Variants in CCBE1 observed in about 807,000 individuals in gnomAD.
The protein encoded by CCBE1 is collagen and calcium-binding EGF domain-containing protein 1.
Under a neutral mutation model 50.0 loss-of-function variants are expected in CCBE1, and 37 were observed. That is an observed-to-expected ratio of 0.74 (90% CI 0.57 to 0.97). CCBE1 has a LOEUF of 0.97. Ranked by LOEUF, CCBE1 falls within the 50% of genes least tolerant of loss-of-function variation. CCBE1 has a pLI of 0.00. For synonymous variants in CCBE1, 234 were observed against 203.7 expected, an observed-to-expected ratio of 1.15 and a Z score of -1.27; for missense variants, 538 against 523.8, an observed-to-expected ratio of 1.03 and a Z score of -0.26.
At chr18:59,607,010 C>T (rs144906123) in intron 2 of CCBE1, among the ~76,000 whole-genome samples, 1 of 148,802 alleles carries the variant, frequency 6.7e-6, no homozygotes, top group Non-Finnish European at 1.5e-5. Context: ...AGGGCCTGGC[C>T]TAGAGTACGA....
chr18:59,545,050 A>G (rs1365069886), intron 2 of CCBE1, among the ~76,000 whole-genome samples: 1 of 152,212 alleles, frequency 6.6e-6, no homozygotes, highest in African/African-American at 2.4e-5. Context: ...CCTTTTATTT[A>G]AATTACTAGT....
intron 2 of CCBE1, among the ~76,000 whole-genome samples, chr18:59,596,193 T>C (rs1359382981): frequency 6.6e-6 from 1 of 152,174 alleles, no homozygotes; most frequent in South Asian, 2.1e-4. Context: ...TTCAAAAGTG[T>C]AGCTCAAACC....
intron 2 of CCBE1, among the ~76,000 whole-genome samples, chr18:59,574,661 G>C (rs758547341): frequency 6.6e-6 from 1 of 152,216 alleles, no homozygotes; most frequent in Non-Finnish European, 1.5e-5. Context: ...TCATGAAGCA[G>C]ATTTGCAGGG....
intron 2 of CCBE1, among the ~76,000 whole-genome samples, chr18:59,614,125 C>T (rs766963434): frequency 5.9e-5 from 9 of 152,132 alleles, no homozygotes; most frequent in Non-Finnish European, 1.2e-4. Flanking sequence ...CCTGTCTCAG[C>T]CTCCTGAGTA....
At position 59,480,119 on chromosome 18, in the gene CCBE1, G is replaced by A. The variant is rs1663548; in HGVS notation, c.265+67C>T. 0.62 allele frequency: 624,501 copies of A among 1,004,794 alleles called. 196,796 individuals are homozygous for A. The highest frequency in any genetic ancestry group is 0.83 in the East Asian group (34,434 of 41,402). The allele number at this position is 1,004,794 out of a possible 1,614,324, so 62.2% of individuals were successfully genotyped here. On this transcript the variant is annotated intron_variant, in intron 3 of 10. Coordinates refer to ENST00000439986, the MANE Select transcript of CCBE1 (RefSeq NM_133459.4). ...TAAGACCTATATTCCATGAACATCTGAAGTTGATAGACTTTGAATGATTAG... is the reference window on the plus strand; with the variant it reads ...TAAGACCTATATTCCATGAACATCTAAAGTTGATAGACTTTGAATGATTAG...
At chr18:59,510,022 G>C (rs1028464589) in intron 2 of CCBE1, among the ~76,000 whole-genome samples, 1 of 152,190 alleles carries the variant, frequency 6.6e-6, no homozygotes, top group African/African-American at 2.4e-5. Flanking sequence ...CAAACACCAA[G>C]CTGCACTGGT....
At chr18:59,558,676 G>A (rs1043114467) in intron 2 of CCBE1, among the ~76,000 whole-genome samples, 2 of 152,188 alleles carry the variant, frequency 1.3e-5, no homozygotes, top group African/African-American at 2.4e-5. Flanking sequence ...CCCAGAGAAC[G>A]AGAGAGCCAA....
At chr18:59,680,374 G>A (rs766727827) in intron 2 of CCBE1, among the ~76,000 whole-genome samples, 2 of 151,950 alleles carry the variant, frequency 1.3e-5, no homozygotes, top group African/African-American at 2.4e-5. Flanking sequence ...GATTTGGGGG[G>A]CCCAAGATAT....
At chr18:59,563,077 C>T (rs551029163) in intron 2 of CCBE1, among the ~76,000 whole-genome samples, 16 of 152,274 alleles carry the variant, frequency 1.1e-4, no homozygotes, top group African/African-American at 3.4e-4. Flanking sequence ...ACTAGGACGA[C>T]AGAAGAGAGC....
chr18:59,647,240 A>G (rs1342084278), intron 2 of CCBE1, among the ~76,000 whole-genome samples: 1 of 152,242 alleles, frequency 6.6e-6, no homozygotes, highest in Non-Finnish European at 1.5e-5. Flanking sequence ...AGTGTTCAGC[A>G]ATGGAGTTTA....
intron 2 of CCBE1, among the ~76,000 whole-genome samples, chr18:59,574,034 C>T (rs2052954683): frequency 6.6e-6 from 1 of 152,116 alleles, no homozygotes; most frequent in South Asian, 2.1e-4. Context: ...TCAAACAGGA[C>T]ATGTTCTATC....
At chr18:59,539,574 C>T (rs896184656) in intron 2 of CCBE1, among the ~76,000 whole-genome samples, 3 of 152,158 alleles carry the variant, frequency 2.0e-5, no homozygotes, top group Non-Finnish European at 4.4e-5. Context: ...TTTTAAGCTG[C>T]TAAGTTTTGG....
chr18:59,436,006 G>A lies in CCBE1; in HGVS notation c.1123C>T (p.Pro375Ser). 4.3e-6 allele frequency: 7 copies of A among 1,614,180 alleles called. No homozygotes were observed. In the East Asian group the frequency reaches 6.7e-5, roughly 15 times the overall value. ...AGGTCCATGGCTTCTGGGTAGCTGG[G>A]AAATTCCTGAGGTAAAGGGAACTCC... ...AEEFPLPQEF[P>S]SYPEAMDLGS... Residue 375 changes from proline to serine, a missense_variant, in exon 11 of 11, where the codon CCC (proline) becomes TCC (serine). Coordinates refer to ENST00000439986, the MANE Select transcript of CCBE1 (RefSeq NM_133459.4).
intron 7 of CCBE1, among the ~76,000 whole-genome samples, chr18:59,443,586 C>G (rs1478392483): frequency 3.3e-5 from 5 of 151,794 alleles, no homozygotes; most frequent in Non-Finnish European, 7.4e-5. Context: ...CCCGCCTCAA[C>G]CTCCCAAGTA....
chr18:59,451,509 C>G (rs772879431), intron 6 of CCBE1, among the ~76,000 whole-genome samples: 4 of 151,088 alleles, frequency 2.6e-5, no homozygotes, highest in Non-Finnish European at 5.9e-5. Flanking sequence ...AGAGACCCAT[C>G]TAAAAGTTAA....
intron 2 of CCBE1, among the ~76,000 whole-genome samples, chr18:59,672,462 T>C (rs2054445027): frequency 6.6e-6 from 1 of 152,230 alleles, no homozygotes; most frequent in Non-Finnish European, 1.5e-5. Context: ...GCACTTGGAA[T>C]GCTTATACAC....
chr18:59,542,700 A>G (rs1175936739), intron 2 of CCBE1, among the ~76,000 whole-genome samples: 2 of 152,208 alleles, frequency 1.3e-5, no homozygotes, highest in Non-Finnish European at 2.9e-5. Context: ...AGAGTCCAAG[A>G]AAGTACGGGA....
rs1911142806 is a variant in CCBE1, at chr18:59,455,384, C to T, written c.554-433G>A. 2.0e-5 allele frequency among the ~76,000 whole-genome samples: 3 copies of T among 152,298 alleles called. No homozygotes were observed. The South Asian group carries it at 6.2e-4, about 32-fold the overall frequency. On this transcript the variant is annotated intron_variant, in intron 5 of 10. Transcript: ENST00000439986. ...CTCAAAGCTGCCTTTATCACCTCTG[C>T]TAATCCAGTTCTTCAAAGGGAGCAC...
intron 2 of CCBE1, among the ~76,000 whole-genome samples, chr18:59,665,733 C>T (rs191065079): frequency 4.6e-5 from 7 of 152,270 alleles, no homozygotes; most frequent in Admixed American, 2.0e-4. Context: ...CCCCAGGCCA[C>T]GCTCTTCCTG....
Sources: gnomAD v4.1 joint callset for allele counts (sites outside exome capture counted in the v4.1 genomes callset) on GRCh38, gnomAD v4.1.1 for gene constraint, MANE v1.5 for transcripts, NCBI Gene and HGNC (gene_info 2026-07-23, HGNC 2026-07-21) for gene names.